MIPOL1: variants seen among roughly 807,000 people sequenced by gnomAD.
MIPOL1 encodes the protein mirror-image polydactyly gene 1 protein.
Under a neutral mutation model 60.9 loss-of-function variants are expected in MIPOL1, and 57 were observed. The observed-to-expected ratio is 0.94, with a 90% CI of 0.76 to 1.17. MIPOL1 has a LOEUF of 1.17. Ranked by LOEUF, MIPOL1 falls within the 50% of genes most tolerant of loss-of-function variation. The pLI, the probability that MIPOL1 is intolerant of heterozygous loss-of-function variation, is 0.00. For missense variants in MIPOL1, 551 were observed against 511.6 expected (o/e 1.08, Z -0.74); for synonymous variants, 179 against 168.8 (o/e 1.06, Z -0.47).
intron 9 of MIPOL1, among the ~76,000 whole-genome samples, chr14:37,346,550 C>G (rs943342507): frequency 1.3e-5 from 2 of 151,998 alleles, no homozygotes; most frequent in African/African-American, 4.8e-5. Flanking sequence ...CTGAAAGTCC[C>G]CCTGCCAACA....
chr14:37,533,870 A>T (rs2095493285), intron 12 of MIPOL1, among the ~76,000 whole-genome samples: 1 of 152,074 alleles, frequency 6.6e-6, no homozygotes, highest in Non-Finnish European at 1.5e-5. Context: ...ACAAATTATG[A>T]AATCAAAAGA....
At chr14:37,239,852 T>C (rs904944131) in intron 1 of MIPOL1, among the ~76,000 whole-genome samples, 33 of 152,338 alleles carry the variant, frequency 2.2e-4, no homozygotes, top group African/African-American at 7.7e-4. Flanking sequence ...ATAAGTCTAA[T>C]TTATTTTACT....
chr14:37,353,531 G>A (rs1311250838), intron 9 of MIPOL1, among the ~76,000 whole-genome samples: 2 of 151,978 alleles, frequency 1.3e-5, no homozygotes, highest in East Asian at 3.9e-4. Context: ...GAATCCATCT[G>A]GTCCTGGACT....
At chr14:37,264,858 GTT>G (rs1318391088) in intron 3 of MIPOL1, among the ~76,000 whole-genome samples, 1 of 152,126 alleles carries the variant, frequency 6.6e-6, no homozygotes, top group Non-Finnish European at 1.5e-5. Context: ...AATCTTTGAT[GTT>G]TGGCTCTCAT....
chr14:37,206,503 G>C (rs1483632745), intron 1 of MIPOL1, among the ~76,000 whole-genome samples: 1 of 152,214 alleles, frequency 6.6e-6, no homozygotes, highest in African/African-American at 2.4e-5. Context: ...GGAAATGTGG[G>C]ATTGGATCCC....
intron 9 of MIPOL1, among the ~76,000 whole-genome samples, chr14:37,317,873 G>A (rs1355714326): frequency 6.6e-6 from 1 of 152,168 alleles, no homozygotes; most frequent in African/African-American, 2.4e-5. Context: ...GCCAGATTCA[G>A]AAGTGGTTAA....
chr14:37,449,021 A>C (rs2094379940), intron 11 of MIPOL1, among the ~76,000 whole-genome samples: 1 of 152,206 alleles, frequency 6.6e-6, no homozygotes, highest in East Asian at 1.9e-4. Context: ...TCTTCTCAAG[A>C]ACTACCTTAA....
chr14:37,483,999 C>A (rs1425916892), intron 11 of MIPOL1, among the ~76,000 whole-genome samples: 1 of 152,086 alleles, frequency 6.6e-6, no homozygotes, highest in Non-Finnish European at 1.5e-5. Context: ...TTCACAATAG[C>A]CAAGTTATGG....
At chr14:37,309,424 A>T (rs140648194) in intron 9 of MIPOL1, among the ~76,000 whole-genome samples, 1 of 152,016 alleles carries the variant, frequency 6.6e-6, no homozygotes, top group Non-Finnish European at 1.5e-5. Context: ...TTTTGGGCCT[A>T]TTCCAATGTC....
chr14:37,525,298 T>A (rs1566774758), intron 12 of MIPOL1, among the ~76,000 whole-genome samples: 1 of 152,172 alleles, frequency 6.6e-6, no homozygotes, highest in South Asian at 2.1e-4. Context: ...AGGGGAAGTG[T>A]GTAGTACTGT....
At chr14:37,329,473 A>G (rs2089486914) in intron 9 of MIPOL1, among the ~76,000 whole-genome samples, 1 of 152,120 alleles carries the variant, frequency 6.6e-6, no homozygotes, top group Admixed American at 6.6e-5. Context: ...TGATACTTTG[A>G]TTTGTCATAC....
intron 9 of MIPOL1, among the ~76,000 whole-genome samples, chr14:37,366,193 A>T (rs1030000645): frequency 1.3e-5 from 2 of 151,060 alleles, no homozygotes; most frequent in South Asian, 2.1e-4. Context: ...TTCTTCTACT[A>T]ATTTTGGGTT....
intron 9 of MIPOL1, among the ~76,000 whole-genome samples, chr14:37,362,018 A>G (rs1460877584): frequency 6.6e-6 from 1 of 151,902 alleles, no homozygotes; most frequent in East Asian, 1.9e-4. Flanking sequence ...TGCATGTGAG[A>G]TGGGTCTCCT....
intron 12 of MIPOL1, among the ~76,000 whole-genome samples, chr14:37,529,446 C>A (rs549089518): frequency 2.0e-5 from 3 of 152,160 alleles, no homozygotes; most frequent in African/African-American, 7.2e-5. Context: ...ATACTTGTAC[C>A]TAAATATTTG....
intron 1 of MIPOL1, among the ~76,000 whole-genome samples, chr14:37,202,348 A>G (rs1965470784): frequency 6.6e-6 from 1 of 151,906 alleles, no homozygotes; most frequent in Admixed American, 6.6e-5. Flanking sequence ...CTTTTCTCAT[A>G]TAGAAATTCT....
intron 1 of MIPOL1, among the ~76,000 whole-genome samples, chr14:37,201,747 A>C (rs949980271): frequency 3.3e-5 from 5 of 152,132 alleles, no homozygotes. Context: ...CCTTTTGCTC[A>C]GTATTGCCCA....
chr14:37,323,124 CT>C (rs2153448381), intron 9 of MIPOL1, among the ~76,000 whole-genome samples: 1 of 152,180 alleles, frequency 6.6e-6, no homozygotes, highest in South Asian at 2.1e-4. Flanking sequence ...ATGTTTAAAT[CT>C]TTAATCCATC....
intron 6 of MIPOL1, among the ~76,000 whole-genome samples, chr14:37,272,883 T>C (rs1289399425): frequency 6.6e-6 from 1 of 151,420 alleles, no homozygotes; most frequent in East Asian, 1.9e-4. Flanking sequence ...ACATCTGAAC[T>C]AAACATTGGA....
At chr14:37,330,245 A>G (rs976621506) in intron 9 of MIPOL1, among the ~76,000 whole-genome samples, 1 of 152,116 alleles carries the variant, frequency 6.6e-6, no homozygotes, top group African/African-American at 2.4e-5. Context: ...TATCAAAACA[A>G]AATTCAGAAC....
Sources: allele counts gnomAD v4.1 joint callset (sites outside exome capture counted in the v4.1 genomes callset), GRCh38; gene constraint gnomAD v4.1.1; transcripts MANE v1.5; gene names NCBI Gene and HGNC (gene_info 2026-07-23, HGNC 2026-07-21).